NFIB: variants seen among roughly 807,000 people sequenced by gnomAD.
NFIB encodes the protein nuclear factor 1 B-type.
NFIB carries 11 observed loss-of-function variants against 61.5 expected under a neutral mutation model. That is an observed-to-expected ratio of 0.18 (90% confidence interval 0.11 to 0.30). The LOEUF is 0.30. NFIB is among the 10% of genes least tolerant of loss of function. The probability of loss-of-function intolerance (pLI) is 1.00; values close to 1 mark genes in which losing one functional copy is unlikely to be tolerated. For missense variants in NFIB, 471 were observed against 608.9 expected (o/e 0.77, Z 2.38); for synonymous variants, 260 against 216.5 (o/e 1.20, Z -1.76).
At chr9:14,455,382 T>C in the NFIB span, among the ~76,000 whole-genome samples, 1 of 152,154 alleles carries the variant, frequency 6.6e-6, no homozygotes, top group African/African-American at 2.4e-5. Flanking sequence ...CAGTGGTTCA[T>C]GGAAGGGAGG....
intron 2 of NFIB, among the ~76,000 whole-genome samples, chr9:14,216,657 C>T (rs1019442945): frequency 2.0e-5 from 3 of 151,742 alleles, no homozygotes; most frequent in East Asian, 3.9e-4. Flanking sequence ...GCTGGAGAGA[C>T]GCTGTGTCCT....
intron 1 of NFIB, among the ~76,000 whole-genome samples, chr9:14,370,549 A>G (rs2061347234): frequency 6.6e-6 from 1 of 152,236 alleles, no homozygotes; most frequent in African/African-American, 2.4e-5. Flanking sequence ...ATTTGTGAAC[A>G]TATCTACTTT....
At chr9:14,155,771 A>G (rs552160429) in intron 4 of NFIB, 54 bp downstream of exon 4, 14 of 1,119,252 alleles carry the variant, frequency 1.3e-5, no homozygotes, top group Admixed American at 2.5e-5. Flanking sequence ...TTCAAAATAT[A>G]AAGTATTTTA....
At position 14,313,374 on chromosome 9, in the gene NFIB, G is replaced by C; in HGVS notation, c.30+108C>G. The C allele has an allele frequency of 2.0e-6, 3 of 1,522,008 alleles. No homozygotes were observed. Among genetic ancestry groups the C allele is most frequent in the South Asian group, 1.1e-5 (1 of 87,788 alleles). The allele number at this position is 1,522,008 out of a possible 1,614,324, so 94.3% of individuals were successfully genotyped here. A position where few individuals can be genotyped will look rare whatever the true frequency, so the allele number is the denominator to read the frequency against. ...GCAACTCCGGGCCACTTCTCCAAGG[G>C]ACGGGGATGTGCGGAGGTTAACTCA... On this transcript the variant is annotated intron_variant, in intron 1 of 10. Transcript: ENST00000380953. The surrounding 1 kb of genome is among the most constrained non-coding windows in gnomAD (Gnocchi z 4.5).
the NFIB span, among the ~76,000 whole-genome samples, chr9:14,420,255 T>C: frequency 1.1e-4 from 17 of 152,064 alleles, no homozygotes; most frequent in South Asian, 3.1e-3. Flanking sequence ...GAGACCAGCC[T>C]GGCCAATATG....
chr9:14,208,489 G>A (rs2049982069), intron 2 of NFIB, among the ~76,000 whole-genome samples: 1 of 151,736 alleles, frequency 6.6e-6, no homozygotes, highest in Admixed American at 6.6e-5. Flanking sequence ...AAAAACAGAC[G>A]TGACTTAAGT....
At chr9:14,364,955 C>G (rs773821530) in intron 1 of NFIB, among the ~76,000 whole-genome samples, 2 of 152,146 alleles carry the variant, frequency 1.3e-5, no homozygotes, top group Non-Finnish European at 2.9e-5. Flanking sequence ...CCACATCAAC[C>G]CCATTTTGAT....
intron 1 of NFIB, among the ~76,000 whole-genome samples, chr9:14,324,414 G>T (rs1424810378): frequency 1.3e-5 from 2 of 152,138 alleles, no homozygotes; most frequent in Non-Finnish European, 2.9e-5. Flanking sequence ...ACTTGCATGG[G>T]CAGTGTTATC....
At chr9:14,401,310 A>G (rs2061740907), upstream of NFIB, among the ~76,000 whole-genome samples, 1 of 152,102 alleles carries the variant, frequency 6.6e-6, no homozygotes, top group Non-Finnish European at 1.5e-5. Context: ...TACCTGCTCT[A>G]TTTTCTAACT....
chr9:14,502,265 A>G, the NFIB span, among the ~76,000 whole-genome samples: 1 of 152,190 alleles, frequency 6.6e-6, no homozygotes, highest in Non-Finnish European at 1.5e-5. Context: ...AGCCTCACAT[A>G]TGTTTATGTA....
At chr9:14,443,403 T>A in the NFIB span, among the ~76,000 whole-genome samples, 1 of 152,172 alleles carries the variant, frequency 6.6e-6, no homozygotes, top group East Asian at 1.9e-4. Flanking sequence ...CTCATAGGCA[T>A]CTCAGGTTCA....
chr9:14,246,454 T>G (rs1461662705), intron 2 of NFIB, among the ~76,000 whole-genome samples: 2 of 152,152 alleles, frequency 1.3e-5, no homozygotes, highest in Non-Finnish European at 2.9e-5. Flanking sequence ...ATATCAAGTT[T>G]AATTTCACTC....
intron 2 of NFIB, among the ~76,000 whole-genome samples, chr9:14,223,685 A>C (rs1482436605): frequency 6.6e-6 from 1 of 152,238 alleles, no homozygotes; most frequent in African/African-American, 2.4e-5. Context: ...AAGATGTGTT[A>C]CATGACTGGT....
At chr9:14,527,557 C>A in the NFIB span, among the ~76,000 whole-genome samples, 1 of 152,160 alleles carries the variant, frequency 6.6e-6, no homozygotes. Context: ...TGATGTCGAT[C>A]ACCCCCCTCC....
At chr9:14,101,359 T>G (rs908493530) in intron 10 of NFIB, among the ~76,000 whole-genome samples, 1 of 152,230 alleles carries the variant, frequency 6.6e-6, no homozygotes, top group African/African-American at 2.4e-5. Flanking sequence ...ATAATCTGAA[T>G]TATTTCCTTA....
chr9:14,260,879 G>A (rs1284358867), intron 2 of NFIB, among the ~76,000 whole-genome samples: 2 of 151,818 alleles, frequency 1.3e-5, no homozygotes, highest in Non-Finnish European at 2.9e-5. Context: ...CTACACAGAT[G>A]GTGGCAAAAG....
chr9:14,095,628 G>A (rs780224680), intron 10 of NFIB, among the ~76,000 whole-genome samples: 19 of 151,680 alleles, frequency 1.3e-4, no homozygotes, highest in Non-Finnish European at 2.2e-4. Context: ...ATCACCCAAG[G>A]CATACTAAAT....
intron 1 of NFIB, among the ~76,000 whole-genome samples, chr9:14,323,245 A>G (rs2060704200): frequency 6.6e-6 from 1 of 152,228 alleles, no homozygotes; most frequent in African/African-American, 2.4e-5. Context: ...AACAACCAAC[A>G]CCAAAGAGAT....
At chr9:14,322,583 C>G (rs543174971) in intron 1 of NFIB, among the ~76,000 whole-genome samples, 1 of 152,108 alleles carries the variant, frequency 6.6e-6, no homozygotes, top group South Asian at 2.1e-4. Flanking sequence ...CGGCCCGCCC[C>G]GCCCCACCCT....
Sources: allele counts gnomAD v4.1 joint callset (sites outside exome capture counted in the v4.1 genomes callset), GRCh38; gene constraint gnomAD v4.1.1; non-coding constraint Gnocchi (gnomAD v3.1); transcripts MANE v1.5; gene names NCBI Gene and HGNC (gene_info 2026-07-23, HGNC 2026-07-21).